DBH: variants seen among roughly 807,000 people sequenced by gnomAD.
DBH encodes dopamine beta-hydroxylase.
A neutral mutation model predicts 64.0 loss-of-function variants in DBH; 49 were observed. That is an observed-to-expected ratio of 0.77 (90% CI 0.61 to 0.97). The LOEUF is 0.97. DBH is among the 50% of genes least tolerant of loss of function. DBH has a pLI of 0.00. For synonymous variants in DBH, 343 were observed against 347.1 expected (o/e 0.99, Z 0.13); for missense variants, 828 against 826.6 (o/e 1.00, Z -0.02).
chr9:133,644,456 C>A (rs958411441), intron 5 of DBH, 136 bp downstream of exon 5: 32 of 758,694 alleles, frequency 4.2e-5, no homozygotes, highest in Non-Finnish European at 6.9e-5. Flanking sequence ...GCCCTTGCGT[C>A]TGCCTCATCC....
chr9:133,645,919 G>C (rs929703553), intron 5 of DBH, among the ~76,000 whole-genome samples: 2 of 152,156 alleles, frequency 1.3e-5, no homozygotes, highest in African/African-American at 2.4e-5. Flanking sequence ...GTTATGCTTA[G>C]AGCATTTTTG....
intron 5 of DBH, among the ~76,000 whole-genome samples, chr9:133,646,775 C>T (rs1028094593): frequency 5.3e-5 from 8 of 152,198 alleles, no homozygotes; most frequent in African/African-American, 1.7e-4. Flanking sequence ...CCACACACCT[C>T]GGCCTCCCAA....
chr9:133,658,537 C>T lies in DBH; in HGVS notation c.*90C>T, dbSNP rs950896235. On this transcript the variant is annotated 3_prime_UTR_variant, in exon 12 of 12. Coordinates refer to ENST00000393056, the MANE Select transcript of DBH (RefSeq NM_000787.4). Reference sequence around the variant, plus strand: ...CTACTCTGCGACGATCCCCATGGAACAGCCCTGCACGCCCAGGATGAAGGG... The same window carrying T: ...CTACTCTGCGACGATCCCCATGGAATAGCCCTGCACGCCCAGGATGAAGGG... The T allele has an allele frequency of 5.0e-6, 7 of 1,388,228 alleles. No homozygotes were observed. The highest frequency in any genetic ancestry group is 5.3e-5 in the Admixed American group (2 of 37,654). 86.0% of individuals were successfully genotyped at this position (1,388,228 alleles called of 1,614,324 possible). A position where few individuals can be genotyped will look rare whatever the true frequency, so the allele number is the denominator to read the frequency against.
chr9:133,644,957 GCA>G (rs749012552), intron 5 of DBH, among the ~76,000 whole-genome samples: 3 of 150,184 alleles, frequency 2.0e-5, no homozygotes, highest in South Asian at 2.1e-4. Flanking sequence ...ACACACACAC[GCA>G]CACACACATG....
intron 1 of DBH, among the ~76,000 whole-genome samples, chr9:133,639,616 C>A (rs1229740834): frequency 6.6e-6 from 1 of 152,204 alleles, no homozygotes; most frequent in Non-Finnish European, 1.5e-5. Context: ...GAGGAGGAAC[C>A]AACTCCACTG....
chr9:133,636,528 C>T lies in DBH; in HGVS notation c.157C>T (p.Leu53=). The change falls in exon 1 of 12, where the codon CTG becomes TTG. Residue 53 remains leucine (L), a synonymous_variant. Coordinates refer to ENST00000393056, the MANE Select transcript of DBH (RefSeq NM_000787.4). ...GAGCCCCCTCCCCTATCACATCCCC[C>T]TGGACCCGGAGGGGTCCCTGGAGCT... ...RESPLPYHIP[L]DPEGSLELSW... 7 of 1,613,516 alleles carry T rather than the reference C, an allele frequency of 4.3e-6. No individual in the cohort carries two copies. The highest frequency in any genetic ancestry group is 5.9e-6 in the Non-Finnish European group (7 of 1,180,016).
At position 133,651,699 on chromosome 9, in the gene DBH, G is replaced by A; in HGVS notation, c.1257G>A (p.Lys419=). ...TCCACACACACCTGACTGGGAGAAA[G>A]GTGGTCACAGTGCTGGTCCGGGACG... is the stretch of plus-strand genomic sequence containing the variant. ...SQLHTHLTGR[K]VVTVLVRDGR... Residue 419 remains lysine (K), a synonymous_variant, in exon 7 of 12, where the codon AAG becomes AAA. Coordinates refer to ENST00000393056, the MANE Select transcript of DBH (RefSeq NM_000787.4). 1 of 1,613,982 alleles carries A rather than the reference G, an allele frequency of 6.2e-7. No individual in the cohort carries two copies. The highest frequency in any genetic ancestry group is 8.5e-7 in the Non-Finnish European group (1 of 1,180,016).
intron 9 of DBH, chr9:133,656,263 G>A (rs1000028611): frequency 6.6e-5 from 31 of 472,512 alleles, no homozygotes; most frequent in Admixed American, 2.3e-4. Context: ...CACCCCATCC[G>A]CTTGTCCCGT....
chr9:133,637,137 C>T (rs1387354491), intron 1 of DBH, among the ~76,000 whole-genome samples: 1 of 152,218 alleles, frequency 6.6e-6, no homozygotes, highest in Non-Finnish European at 1.5e-5. Context: ...TGGCGCGTGG[C>T]TGGGCACAGC....
At position 133,636,408 on chromosome 9, in the gene DBH, C is replaced by A. The variant is rs201797804; in HGVS notation, c.37C>A (p.Pro13Thr). 38 of 1,612,014 alleles carry A rather than the reference C, an allele frequency of 2.4e-5. No homozygotes were observed. The East Asian group carries it at 8.0e-4, about 34-fold the overall frequency. The change falls in exon 1 of 12, where the codon CCC becomes ACC. Residue 13 changes from proline to threonine, a missense_variant. Transcript: ENST00000393056. ...ALSRWASLPG[P>T]SMREAAFMYS... ...CAGTCGCTGGGCCAGCCTGCCCGGCCCCAGCATGCGGGAGGCAGCCTTCAT... is the reference window on the plus strand; with the variant it reads ...CAGTCGCTGGGCCAGCCTGCCCGGCACCAGCATGCGGGAGGCAGCCTTCAT...
chr9:133,643,402 C>T lies in DBH; in HGVS notation c.745-11C>T, dbSNP rs747676430. On this transcript the variant is annotated splice_polypyrimidine_tract_variant and intron_variant, in intron 3 of 11. Coordinates refer to ENST00000393056, the MANE Select transcript of DBH (RefSeq NM_000787.4). The surrounding 1 kb of genome is among the most constrained non-coding windows in gnomAD (Gnocchi z 5.3). The stretch of plus-strand genomic sequence containing the variant: ...GCCGGTTCCCGGGCTCAGAGGGCTG[C>T]CTCCTCACAGTACGAGCCCATCGTC... The T allele has an allele frequency of 1.9e-6, 3 of 1,613,680 alleles. No individual in the cohort carries two copies. In the East Asian group the frequency reaches 6.7e-5, roughly 36 times the overall value.
rs368831459 is a variant in DBH, at chr9:133,636,631, T to A, written c.260T>A (p.Phe87Tyr). 6.2e-7 allele frequency: 1 copy of A among 1,613,316 alleles called. No homozygotes were observed. The highest frequency in any genetic ancestry group is 8.5e-7 in the Non-Finnish European group (1 of 1,180,010). The change falls in exon 1 of 12, where the codon TTT (phenylalanine) becomes TAT (tyrosine). Residue 87 changes from phenylalanine to tyrosine, a missense_variant. Physicochemically the swap from Phe to Tyr is conservative, Grantham distance 22. Transcript: ENST00000393056. ...LVRRLKAGVL[F>Y]GMSDRGELEN... Reference sequence around the variant, plus strand: ...CGGAGGCTCAAGGCTGGCGTCCTGTTTGGGATGTCCGACCGTGGCGAGCTT... The same window carrying A: ...CGGAGGCTCAAGGCTGGCGTCCTGTATGGGATGTCCGACCGTGGCGAGCTT...
Position 133,656,660 on chromosome 9 carries a change from C to T in DBH, c.1562+10C>T, listed in dbSNP as rs1832325121. On this transcript the variant is annotated intron_variant, in intron 10 of 11. Transcript: ENST00000393056. Reference sequence around the variant, plus strand: ...TCCACCTCATCAACAGGTGAGGGCTCCCTGCACAAGCTCCCTGCCCCCAGG... The same window carrying T: ...TCCACCTCATCAACAGGTGAGGGCTTCCTGCACAAGCTCCCTGCCCCCAGG... 1.2e-6 allele frequency: 2 copies of T among 1,611,226 alleles called. No individual in the cohort carries two copies. The highest frequency in any genetic ancestry group is 4.5e-5 in the East Asian group (2 of 44,874).
chr9:133,652,856 TGGCGTGGTCCTATGG>T (rs1181318938), intron 8 of DBH, 69 bp from the exon 9 acceptor site: 1 of 909,094 alleles, frequency 1.1e-6, no homozygotes, highest in Non-Finnish European at 1.8e-6. Context: ...GCATGCACAG[TGGCGTGGTCCTATGG>T]GGGCGAGGCC....
chr9:133,651,902 C>T, intron 7 of DBH, 125 bp downstream of exon 7: 1 of 1,000,456 alleles, frequency 1.0e-6, no homozygotes, highest in East Asian at 2.6e-5. Context: ...GGGCCAGCCC[C>T]ACCCGCCCCC....
intron 5 of DBH, among the ~76,000 whole-genome samples, chr9:133,647,444 A>G (rs1195897056): frequency 6.6e-6 from 1 of 152,230 alleles, no homozygotes; most frequent in African/African-American, 2.4e-5. Flanking sequence ...GAAGAACATC[A>G]AAGCACTTAT....
chr9:133,647,779 T>C (rs1369220181), intron 5 of DBH, 67 bp from the exon 6 acceptor site: 1 of 1,596,262 alleles, frequency 6.3e-7, no homozygotes, highest in African/African-American at 1.3e-5. Context: ...AGGGATAATC[T>C]GTCCGCAGGG....
In DBH at chr9:133,643,941, G is replaced by T. The variant is rs1832147870; in HGVS notation, c.922-277G>T. On this transcript the variant is annotated intron_variant, in intron 4 of 11. Transcript: ENST00000393056. This position sits in a 1 kb window ranked among gnomAD's most constrained non-coding sequence, Gnocchi z 5.3. Reference sequence around the variant, plus strand: ...GCCTCCACAGGCTGAGACGATGGGGGTCTCCCCAGCTCTTACACCCGTCTA... The same window carrying T: ...GCCTCCACAGGCTGAGACGATGGGGTTCTCCCCAGCTCTTACACCCGTCTA... 6.6e-6 allele frequency among the ~76,000 whole-genome samples: 1 copy of T among 152,294 alleles called. No homozygotes were observed. The highest frequency in any genetic ancestry group is 1.9e-4 in the East Asian group (1 of 5,178).
At chr9:133,651,896 C>A in intron 7 of DBH, 119 bp downstream of exon 7, 1 of 1,060,430 alleles carries the variant, frequency 9.4e-7, no homozygotes, top group Non-Finnish European at 1.4e-6. Flanking sequence ...TTTCCTGGGC[C>A]AGCCCCACCC....
Sources: gnomAD v4.1 joint callset for allele counts (sites outside exome capture counted in the v4.1 genomes callset) on GRCh38, gnomAD v4.1.1 for gene constraint, Gnocchi (gnomAD v3.1) non-coding constraint, MANE v1.5 for transcripts, NCBI Gene and HGNC (gene_info 2026-07-23, HGNC 2026-07-21) for gene names.